The following GLCCI1 variants were observed in gnomAD, a reference collection of about 807,000 sequenced individuals.
GLCCI1 encodes the protein glucocorticoid-induced transcript 1 protein.
GLCCI1 carries 24 observed loss-of-function variants against 52.2 expected under a neutral mutation model. That is an observed-to-expected ratio of 0.46 (90% CI 0.33 to 0.65). GLCCI1 has a LOEUF of 0.65. Among genes scored for constraint, GLCCI1 ranks in the 30% least tolerant of loss-of-function variants. GLCCI1 has a pLI of 0.02. For missense variants in GLCCI1, 704 were observed against 701.5 expected (o/e 1.00, Z -0.04); for synonymous variants, 310 against 276.5 (o/e 1.12, Z -1.20).
At chr7:8,004,087 A>G (rs1418113453) in intron 2 of GLCCI1, 28 bp downstream of exon 2, 1 of 1,599,118 alleles carries the variant, frequency 6.3e-7, no homozygotes, top group South Asian at 1.1e-5. Context: ...AAATCAGCTT[A>G]TTACCCTGCA....
chr7:8,021,762 C>T (rs906958156), intron 2 of GLCCI1, among the ~76,000 whole-genome samples: 14 of 152,088 alleles, frequency 9.2e-5, no homozygotes, highest in South Asian at 2.1e-4. Flanking sequence ...GGCATTATTT[C>T]GGATTTAGTG....
intron 2 of GLCCI1, among the ~76,000 whole-genome samples, chr7:8,015,811 AT>A (rs1249378021): frequency 1.3e-5 from 2 of 152,196 alleles, no homozygotes; most frequent in African/African-American, 4.8e-5. Flanking sequence ...TTATGTGTTC[AT>A]TTGTTTCAAA....
intron 2 of GLCCI1, among the ~76,000 whole-genome samples, chr7:8,006,704 C>A (rs1435552014): frequency 6.6e-6 from 1 of 152,124 alleles, no homozygotes; most frequent in Non-Finnish European, 1.5e-5. Context: ...TTCATATGGA[C>A]CTGGAAGATG....
intron 3 of GLCCI1, among the ~76,000 whole-genome samples, chr7:8,050,825 T>G (rs1435251969): frequency 6.6e-6 from 1 of 152,236 alleles, no homozygotes; most frequent in Non-Finnish European, 1.5e-5. Context: ...ATGTGACTTT[T>G]AGCAATATAT....
At chr7:7,985,276 AAG>A (rs1424439908) in intron 1 of GLCCI1, among the ~76,000 whole-genome samples, 2 of 152,036 alleles carry the variant, frequency 1.3e-5, no homozygotes, top group African/African-American at 4.8e-5. Flanking sequence ...GAGAGGGAGA[AAG>A]AGAAAGAGAG....
chr7:7,993,900 C>T (rs1780892241), intron 1 of GLCCI1, among the ~76,000 whole-genome samples: 1 of 152,000 alleles, frequency 6.6e-6, no homozygotes, highest in Admixed American at 6.6e-5. Flanking sequence ...TGCTTCTTGA[C>T]TTAGGTATGA....
intron 5 of GLCCI1, among the ~76,000 whole-genome samples, chr7:8,061,826 C>T (rs1229785517): frequency 6.6e-6 from 1 of 151,864 alleles, no homozygotes; most frequent in East Asian, 1.9e-4. Flanking sequence ...ACCACCATGC[C>T]CAGCTAATTT....
intron 3 of GLCCI1, among the ~76,000 whole-genome samples, chr7:8,036,511 A>G (rs886676473): frequency 7.5e-4 from 114 of 152,340 alleles, no homozygotes; most frequent in African/African-American, 2.5e-3. Context: ...GAGTATTACA[A>G]CACCTCCAAA....
intron 3 of GLCCI1, among the ~76,000 whole-genome samples, chr7:8,046,324 G>T (rs1236415939): frequency 2.0e-5 from 3 of 152,260 alleles, no homozygotes; most frequent in East Asian, 1.9e-4. Context: ...CCCTCCTCTC[G>T]TCCAGGAACT....
At chr7:8,073,427 A>G (rs927704693) in intron 6 of GLCCI1, among the ~76,000 whole-genome samples, 5 of 152,096 alleles carry the variant, frequency 3.3e-5, no homozygotes, top group African/African-American at 1.2e-4. Flanking sequence ...CTTTGTTGGT[A>G]TATTTTCCTC....
chr7:8,075,342 T>A, intron 6 of GLCCI1, among the ~76,000 whole-genome samples: 1 of 152,152 alleles, frequency 6.6e-6, no homozygotes, highest in Non-Finnish European at 1.5e-5. Flanking sequence ...GTCACATGTG[T>A]AAAGTTTCCA....
At chr7:8,054,421 A>G (rs1400002028) in intron 3 of GLCCI1, among the ~76,000 whole-genome samples, 8 of 152,192 alleles carry the variant, frequency 5.3e-5, no homozygotes, top group Non-Finnish European at 1.0e-4. Flanking sequence ...AGATCTCACC[A>G]TAAAAGAAAG....
chr7:8,077,516 C>G (rs962892139), intron 6 of GLCCI1, among the ~76,000 whole-genome samples: 2 of 152,118 alleles, frequency 1.3e-5, no homozygotes, highest in African/African-American at 4.8e-5. Context: ...AGGTTGAAGC[C>G]CTGCTCTGCC....
Position 8,003,770 on chromosome 7 carries a change from C to G in GLCCI1, c.458-138C>G, listed in dbSNP as rs573598250. ...ACATGGTTCATACATTTCATCTGATCATACAACAGGGCTATTAGTGTAAAT... is the reference window on the plus strand; with the variant it reads ...ACATGGTTCATACATTTCATCTGATGATACAACAGGGCTATTAGTGTAAAT... On this transcript the variant is annotated intron_variant, in intron 1 of 7. Transcript: ENST00000223145. The G allele has an allele frequency of 6.5e-5, 42 of 649,500 alleles. 2 individuals carry two copies. In the South Asian group the frequency reaches 9.8e-4, roughly 15 times the overall value. 40.2% of individuals were successfully genotyped at this position (649,500 alleles called of 1,614,324 possible). A position where few individuals can be genotyped will look rare whatever the true frequency, so the allele number is the denominator to read the frequency against.
intron 1 of GLCCI1, among the ~76,000 whole-genome samples, chr7:7,974,849 C>T (rs1026676347): frequency 2.0e-5 from 3 of 152,136 alleles, no homozygotes; most frequent in Non-Finnish European, 2.9e-5. Flanking sequence ...CAGCCCCTGT[C>T]CTAGTCTGTG....
Position 8,086,726 on chromosome 7 carries a change from A to G in GLCCI1, c.*188A>G. The G allele has an allele frequency of 3.5e-6, 2 of 577,200 alleles. No individual in the cohort carries two copies. The highest frequency in any genetic ancestry group is 6.1e-6 in the Non-Finnish European group (2 of 330,100). 35.8% of individuals were successfully genotyped at this position (577,200 alleles called of 1,614,324 possible). ...TTCAGCAGTTTTTGTGGAAAGCAGT[A>G]ATGCTTGCAAAACGTGTGTGTCATT... is the stretch of plus-strand genomic sequence containing the variant. On this transcript the variant is annotated 3_prime_UTR_variant, in exon 8 of 8. Transcript: ENST00000223145. The surrounding 1 kb of genome is among the most constrained non-coding windows in gnomAD (Gnocchi z 4.4).
At chr7:8,038,238 C>G (rs1005464235) in intron 3 of GLCCI1, among the ~76,000 whole-genome samples, 1 of 152,060 alleles carries the variant, frequency 6.6e-6, no homozygotes, top group Non-Finnish European at 1.5e-5. Flanking sequence ...TATCAAAATA[C>G]CAAGGTCATT....
At chr7:7,982,017 A>G in intron 1 of GLCCI1, 1 of 435,294 alleles carries the variant, frequency 2.3e-6, no homozygotes, top group Non-Finnish European at 4.6e-6. Flanking sequence ...GGTCACTACG[A>G]AGAAGAAGAA....
At position 8,088,240 on chromosome 7, in the gene GLCCI1, T is replaced by TGTG. The variant is rs1783160667; in HGVS notation, c.*1702_*1703insGTG. 1 of 147,368 alleles carries TGTG rather than the reference T, an allele frequency of 6.8e-6. No individual in the cohort carries two copies. The highest frequency in any genetic ancestry group is 1.5e-5 in the Non-Finnish European group (1 of 66,782). The allele number at this position is 147,368 out of a possible 1,614,324, so 9.1% of individuals were successfully genotyped here. On this transcript the variant is annotated 3_prime_UTR_variant, in exon 8 of 8. Coordinates refer to ENST00000223145, the MANE Select transcript of GLCCI1 (RefSeq NM_138426.4). ...AGAAATGATATATATATGTATATGT[T>TGTG]TGTGTGTGTGTGTGTGTGTGTGTGT...
Sources: allele counts gnomAD v4.1 joint callset (sites outside exome capture counted in the v4.1 genomes callset), GRCh38; gene constraint gnomAD v4.1.1; non-coding constraint Gnocchi (gnomAD v3.1); transcripts MANE v1.5; gene names NCBI Gene and HGNC (gene_info 2026-07-23, HGNC 2026-07-21).